GPM6A: variants seen among roughly 807,000 people sequenced by gnomAD.
GPM6A encodes neuronal membrane glycoprotein M6-a.
GPM6A carries 7 observed loss-of-function variants against 32.1 expected under a neutral mutation model. The observed-to-expected ratio is 0.22, with a 90% confidence interval of 0.12 to 0.41. The LOEUF (loss-of-function observed/expected upper bound fraction) is 0.41, where lower values mean the gene tolerates loss of function less well. GPM6A is among the 10% of genes least tolerant of loss of function. The probability of loss-of-function intolerance (pLI) is 1.00; values close to 1 mark genes in which losing one functional copy is unlikely to be tolerated. For synonymous variants in GPM6A, 130 were observed against 123.4 expected, an observed-to-expected ratio of 1.05 and a Z score of -0.35; for missense variants, 235 against 347.2, an observed-to-expected ratio of 0.68 and a Z score of 2.57.
intron 1 of GPM6A, among the ~76,000 whole-genome samples, chr4:175,713,207 T>A (rs1041854228): frequency 6.6e-6 from 1 of 152,160 alleles, no homozygotes; most frequent in Admixed American, 6.5e-5. Context: ...TTATTTTTAT[T>A]TTTATTTTTA....
In GPM6A at chr4:175,969,583, C is replaced by T. The variant is rs549688827; in HGVS notation, c.-23+32726G>A. Among the ~76,000 whole-genome samples the T allele has an allele frequency of 2.8e-3, 423 of 152,114 alleles. 2 individuals are homozygous for T. Among genetic ancestry groups the T allele is most frequent in the African/African-American group, 9.6e-3 (400 of 41,498 alleles). ...AAAATTATCTGGGCGTGGTGGTGGGCACTTGTAATCCCAGCTACTTGGGAG... is the reference window on the plus strand; with the variant it reads ...AAAATTATCTGGGCGTGGTGGTGGGTACTTGTAATCCCAGCTACTTGGGAG... On this transcript the variant is annotated intron_variant, in intron 1 of 7. Coordinates refer to the GPM6A transcript ENST00000280187.
chr4:175,835,282 C>G (rs1461715977), intron 1 of GPM6A, among the ~76,000 whole-genome samples: 4 of 152,096 alleles, frequency 2.6e-5, no homozygotes, highest in Non-Finnish European at 5.9e-5. Context: ...TGGAAATTGA[C>G]TTGCTTACTT....
chr4:175,740,029 C>T (rs551789634), intron 1 of GPM6A, among the ~76,000 whole-genome samples: 6 of 151,980 alleles, frequency 3.9e-5, no homozygotes, highest in East Asian at 1.9e-4. Flanking sequence ...CTAAGACAAG[C>T]GTGTAGAAAA....
intron 1 of GPM6A, among the ~76,000 whole-genome samples, chr4:175,729,494 AT>A (rs1264298542): frequency 6.6e-6 from 1 of 152,180 alleles, no homozygotes; most frequent in Non-Finnish European, 1.5e-5. Context: ...ATACAAAAAA[AT>A]AGTTGGAAAA....
chr4:175,855,369 C>G (rs1736385537), intron 1 of GPM6A, among the ~76,000 whole-genome samples: 1 of 152,026 alleles, frequency 6.6e-6, no homozygotes, highest in African/African-American at 2.4e-5. Context: ...AACAGTACAA[C>G]AAATGTATGC....
At chr4:175,967,151 A>T (rs958958327) in intron 1 of GPM6A, among the ~76,000 whole-genome samples, 3 of 152,224 alleles carry the variant, frequency 2.0e-5, no homozygotes, top group African/African-American at 7.2e-5. Flanking sequence ...AAATATTCAA[A>T]AATCAATTAA....
chr4:175,891,917 GA>G (rs1737660926), intron 1 of GPM6A, among the ~76,000 whole-genome samples: 1 of 152,182 alleles, frequency 6.6e-6, no homozygotes, highest in Non-Finnish European at 1.5e-5. Flanking sequence ...TGCAAGCTGT[GA>G]TGCTGCAGGA....
At chr4:175,918,038 A>G (rs1738549888) in intron 1 of GPM6A, among the ~76,000 whole-genome samples, 1 of 152,100 alleles carries the variant, frequency 6.6e-6, no homozygotes, top group African/African-American at 2.4e-5. Flanking sequence ...AGAGTAAATT[A>G]CCATAATTCT....
intron 1 of GPM6A, among the ~76,000 whole-genome samples, chr4:175,709,777 T>C (rs538644505): frequency 3.3e-5 from 5 of 152,202 alleles, no homozygotes; most frequent in African/African-American, 1.2e-4. Context: ...CACATTTTAT[T>C]TTTCAATAAG....
intron 1 of GPM6A, among the ~76,000 whole-genome samples, chr4:175,895,414 T>C (rs1434205256): frequency 6.6e-6 from 1 of 152,186 alleles, no homozygotes; most frequent in Non-Finnish European, 1.5e-5. Flanking sequence ...AAATGGTGAA[T>C]AAGTTAACTT....
chr4:175,695,329 G>T (rs1229652427), intron 2 of GPM6A, among the ~76,000 whole-genome samples: 1 of 152,150 alleles, frequency 6.6e-6, no homozygotes, highest in African/African-American at 2.4e-5. Flanking sequence ...TGTCTTTTGT[G>T]CCTGGAAAAG....
chr4:175,712,416 G>C (rs907998452), intron 1 of GPM6A, among the ~76,000 whole-genome samples: 3 of 152,188 alleles, frequency 2.0e-5, no homozygotes, highest in African/African-American at 4.8e-5. Context: ...AGAGCAATTG[G>C]GGTCATGGAC....
chr4:175,680,704 C>A (rs973727540), intron 2 of GPM6A, among the ~76,000 whole-genome samples: 3 of 152,092 alleles, frequency 2.0e-5, no homozygotes, highest in Admixed American at 6.5e-5. Flanking sequence ...CTATCCTGTC[C>A]GTCCTGTTCC....
At chr4:175,943,362 C>T (rs1739480220) in intron 1 of GPM6A, among the ~76,000 whole-genome samples, 1 of 152,120 alleles carries the variant, frequency 6.6e-6, no homozygotes, top group Non-Finnish European at 1.5e-5. Flanking sequence ...TATTTGAATA[C>T]CTTTTATTTC....
At chr4:175,981,370 C>T (rs1214932714) in intron 1 of GPM6A, among the ~76,000 whole-genome samples, 1 of 152,122 alleles carries the variant, frequency 6.6e-6, no homozygotes, top group African/African-American at 2.4e-5. Context: ...AGAGATAGAA[C>T]AATTTTTCAT....
chr4:175,938,942 A>T (rs1739324831), intron 1 of GPM6A, among the ~76,000 whole-genome samples: 1 of 150,446 alleles, frequency 6.6e-6, no homozygotes. Flanking sequence ...AGGTTTCACC[A>T]AACAGTGTTA....
At chr4:175,708,282 A>G (rs1317262035) in intron 1 of GPM6A, among the ~76,000 whole-genome samples, 1 of 152,210 alleles carries the variant, frequency 6.6e-6, no homozygotes, top group Admixed American at 6.5e-5. Flanking sequence ...AGACCAGGGA[A>G]GGAATAACTG....
intron 1 of GPM6A, among the ~76,000 whole-genome samples, chr4:175,866,891 G>A (rs1736758485): frequency 6.6e-6 from 1 of 151,894 alleles, no homozygotes; most frequent in East Asian, 1.9e-4. Flanking sequence ...AGCAATGAAT[G>A]AGTGTTTTGG....
At chr4:175,970,967 T>A in intron 1 of GPM6A, 1 of 449,410 alleles carries the variant, frequency 2.2e-6, no homozygotes, top group Non-Finnish European at 4.4e-6. Context: ...AGCCTGTGCT[T>A]GAGCAGCGCA....
Sources: allele counts gnomAD v4.1 joint callset (sites outside exome capture counted in the v4.1 genomes callset), GRCh38; gene constraint gnomAD v4.1.1; transcripts MANE v1.5; gene names NCBI Gene and HGNC (gene_info 2026-07-23, HGNC 2026-07-21).